The following YPEL2 variants were observed in gnomAD, a reference collection of about 807,000 sequenced individuals.
The protein encoded by YPEL2 is protein yippee-like 2.
Under a neutral mutation model 19.1 loss-of-function variants are expected in YPEL2, and 2 were observed. That is an observed-to-expected ratio of 0.10 (90% confidence interval 0.04 to 0.33). YPEL2 has a LOEUF of 0.33. Among genes scored for constraint, YPEL2 ranks in the 10% least tolerant of loss-of-function variants. The pLI, the probability that YPEL2 is intolerant of heterozygous loss-of-function variation, is 1.00. For synonymous variants in YPEL2, 52 were observed against 50.0 expected (o/e 1.04, Z -0.17); for missense variants, 66 against 140.7 (o/e 0.47, Z 2.68).
intron 2 of YPEL2, among the ~76,000 whole-genome samples, chr17:59,366,392 C>G (rs1598040055): frequency 6.6e-6 from 1 of 152,198 alleles, no homozygotes; most frequent in East Asian, 1.9e-4. Context: ...CTTCCTGAGC[C>G]TGGCCCCTAA....
intron 1 of YPEL2, among the ~76,000 whole-genome samples, chr17:59,343,440 A>G (rs1356019929): frequency 6.6e-6 from 1 of 152,164 alleles, no homozygotes; most frequent in Non-Finnish European, 1.5e-5. Context: ...AGACTCATGA[A>G]CAGTGTGATA....
In YPEL2 at chr17:59,331,734, G is replaced by T. The variant is rs1296081449; in HGVS notation, c.-286G>T. On this transcript the variant is annotated 5_prime_UTR_variant, in exon 1 of 5. Coordinates refer to ENST00000312655, the MANE Select transcript of YPEL2 (RefSeq NM_001005404.4). ...GACTGTGGCTTTAAGAGCGTGCCGG[G>T]AGCCCGAGCCCCAGCCGGGCCGCGC... 6.6e-6 allele frequency: 1 copy of T among 152,188 alleles called. No individual in the cohort carries two copies. Among genetic ancestry groups the T allele is most frequent in the Admixed American group, 6.5e-5 (1 of 15,278 alleles). 9.4% of individuals were successfully genotyped at this position (152,188 alleles called of 1,614,324 possible).
At chr17:59,361,730 G>T (rs2047841903) in intron 2 of YPEL2, among the ~76,000 whole-genome samples, 1 of 152,106 alleles carries the variant, frequency 6.6e-6, no homozygotes, top group African/African-American at 2.4e-5. Flanking sequence ...CTTTCATCAG[G>T]CTCTCCACCA....
intron 2 of YPEL2, among the ~76,000 whole-genome samples, chr17:59,370,733 C>T (rs2047892927): frequency 5.6e-5 from 7 of 124,152 alleles, no homozygotes; most frequent in Admixed American, 5.6e-4. Context: ...TTTGCTGGCC[C>T]ATCGAGCCAT....
At chr17:59,361,863 A>T (rs917417616) in intron 2 of YPEL2, among the ~76,000 whole-genome samples, 1 of 152,204 alleles carries the variant, frequency 6.6e-6, no homozygotes, top group African/African-American at 2.4e-5. Context: ...TGTGCCTGGA[A>T]GCAGAAGCCT....
At chr17:59,379,910 G>T (rs1471162977) in intron 2 of YPEL2, among the ~76,000 whole-genome samples, 1 of 109,610 alleles carries the variant, frequency 9.1e-6, no homozygotes, top group Non-Finnish European at 1.9e-5. Flanking sequence ...ACCCAATCTA[G>T]AGTGCAGTGG....
At chr17:59,372,841 G>A (rs562078174) in intron 2 of YPEL2, among the ~76,000 whole-genome samples, 2 of 152,292 alleles carry the variant, frequency 1.3e-5, no homozygotes, top group South Asian at 2.1e-4. Context: ...ATGCCCCGAG[G>A]CAGTATCAGA....
At chr17:59,394,116 G>A (rs1167653956) in intron 4 of YPEL2, among the ~76,000 whole-genome samples, 6 of 143,284 alleles carry the variant, frequency 4.2e-5, no homozygotes, top group Admixed American at 6.9e-5. Context: ...CTCACCTCCC[G>A]GACGCGGCAG....
At chr17:59,395,100 A>G (rs1190768327) in intron 4 of YPEL2, among the ~76,000 whole-genome samples, 1 of 152,208 alleles carries the variant, frequency 6.6e-6, no homozygotes, top group Non-Finnish European at 1.5e-5. Flanking sequence ...AGGGAGAGGG[A>G]CAGGAAACTC....
intron 1 of YPEL2, among the ~76,000 whole-genome samples, chr17:59,346,068 G>A (rs1438294823): frequency 6.6e-6 from 1 of 152,130 alleles, no homozygotes; most frequent in African/African-American, 2.4e-5. Flanking sequence ...AGGATTCTGG[G>A]GAGAGTAGGA....
In YPEL2 at chr17:59,400,041, C is replaced by T. The variant is rs2048062442; in HGVS notation, c.*2851C>T. ...CTCTCTAGCTCCATCTCCCCTGTGC[C>T]ACCCTAGGTCATATGACCTTGGCCA... On this transcript the variant is annotated 3_prime_UTR_variant, in exon 5 of 5. Transcript: ENST00000312655. The T allele has an allele frequency of 6.6e-6, 1 of 152,644 alleles. No homozygotes were observed. Among genetic ancestry groups the T allele is most frequent in the South Asian group, 2.1e-4 (1 of 4,820 alleles). The allele number at this position is 152,644 out of a possible 1,614,324, so 9.5% of individuals were successfully genotyped here.
At chr17:59,389,243 C>CA in intron 3 of YPEL2, 117 bp from the exon 4 acceptor site, 2 of 833,582 alleles carry the variant, frequency 2.4e-6, no homozygotes, top group Non-Finnish European at 3.9e-6. Context: ...CTGCTCAGCT[C>CA]AGGGTTGGCT....
intron 1 of YPEL2, among the ~76,000 whole-genome samples, chr17:59,352,904 G>A (rs1482262899): frequency 1.3e-5 from 2 of 152,182 alleles, no homozygotes; most frequent in East Asian, 3.9e-4. Context: ...TGGGGCTGTA[G>A]GTGGTAGCAC....
intron 2 of YPEL2, among the ~76,000 whole-genome samples, chr17:59,357,788 A>AGT (rs1845826541): frequency 6.6e-6 from 1 of 152,048 alleles, no homozygotes; most frequent in Non-Finnish European, 1.5e-5. Context: ...GGCATTGTGG[A>AGT]GTAGGCCATT....
At chr17:59,386,225 G>C (rs1434427339) in intron 2 of YPEL2, among the ~76,000 whole-genome samples, 1 of 151,884 alleles carries the variant, frequency 6.6e-6, no homozygotes, top group Non-Finnish European at 1.5e-5. Flanking sequence ...TACTCTGGAG[G>C]CTCAGGCAGG....
chr17:59,374,155 AGAT>A (rs1448000102), intron 2 of YPEL2, among the ~76,000 whole-genome samples: 1 of 152,242 alleles, frequency 6.6e-6, no homozygotes, highest in African/African-American at 2.4e-5. Flanking sequence ...AGTTGAAGGC[AGAT>A]GATCTAGCCT....
At chr17:59,349,358 C>CTT (rs58304283) in intron 1 of YPEL2, among the ~76,000 whole-genome samples, 107 of 119,222 alleles carry the variant, frequency 9.0e-4, no homozygotes, top group Non-Finnish European at 1.4e-3. Context: ...CCTTTTTTTT[C>CTT]TTTTTTTTTT....
At chr17:59,347,719 C>G (rs2047763708) in intron 1 of YPEL2, among the ~76,000 whole-genome samples, 2 of 152,104 alleles carry the variant, frequency 1.3e-5, no homozygotes, top group African/African-American at 4.8e-5. Flanking sequence ...AAAGAGAATT[C>G]TAGATTTGGG....
At chr17:59,383,785 C>T (rs1335601094) in intron 2 of YPEL2, among the ~76,000 whole-genome samples, 1 of 151,128 alleles carries the variant, frequency 6.6e-6, no homozygotes, top group Non-Finnish European at 1.5e-5. Context: ...CCCATAACCT[C>T]TAGCAGCCAC....
Sources: gnomAD v4.1 joint callset for allele counts (sites outside exome capture counted in the v4.1 genomes callset) on GRCh38, gnomAD v4.1.1 for gene constraint, MANE v1.5 for transcripts, NCBI Gene and HGNC (gene_info 2026-07-23, HGNC 2026-07-21) for gene names.